FAM193A: variants seen among roughly 807,000 people sequenced by gnomAD.
FAM193A encodes protein FAM193A.
A neutral mutation model predicts 126.5 loss-of-function variants in FAM193A; 22 were observed. The ratio of observed to expected loss-of-function variants is 0.17; its 90% confidence interval spans 0.12 to 0.25. The LOEUF (loss-of-function observed/expected upper bound fraction) is 0.25, where lower values mean the gene tolerates loss of function less well. Among genes scored for constraint, FAM193A ranks in the 10% least tolerant of loss-of-function variants. The pLI is 1.00. For synonymous variants in FAM193A, 761 were observed against 646.8 expected (o/e 1.18, Z -2.68); for missense variants, 1,675 against 1,672.8 (o/e 1.00, Z -0.02).
intron 13 of FAM193A, among the ~76,000 whole-genome samples, chr4:2,677,763 G>A (rs1291670099): frequency 6.7e-6 from 1 of 150,164 alleles, no homozygotes; most frequent in Non-Finnish European, 1.5e-5. Context: ...AAAAAAGATT[G>A]TTTGGGTTAT....
At chr4:2,582,508 G>A (rs1233718051) in intron 1 of FAM193A, among the ~76,000 whole-genome samples, 2 of 151,842 alleles carry the variant, frequency 1.3e-5, no homozygotes, top group Non-Finnish European at 2.9e-5. Context: ...AGTCTTAGTT[G>A]CGCATGACTT....
chr4:2,629,964 C>T (rs1303304486), intron 4 of FAM193A, among the ~76,000 whole-genome samples: 1 of 151,978 alleles, frequency 6.6e-6, no homozygotes, highest in South Asian at 2.1e-4. Flanking sequence ...AACCCCGTCT[C>T]TACTAAAAAT....
rs373038865 is a variant in FAM193A at position 2,637,328 on chromosome 4, G to A, written c.1039-2407G>A. 5.1e-4 allele frequency among the ~76,000 whole-genome samples: 77 copies of A among 152,228 alleles called. 2 individuals are homozygous for A. In the South Asian group the frequency reaches 0.014, roughly 27 times the overall value. Reference sequence around the variant, plus strand: ...GGCGACAGAGTGAGACCCTGTCTCAGTCAATTGACCAATCACTCAATATTT... The same window carrying A: ...GGCGACAGAGTGAGACCCTGTCTCAATCAATTGACCAATCACTCAATATTT... On this transcript the variant is annotated intron_variant, in intron 5 of 20. Coordinates refer to ENST00000637812, the MANE Select transcript of FAM193A (RefSeq NM_001366318.2).
At chr4:2,721,840 C>T (rs547530079) in intron 20 of FAM193A, among the ~76,000 whole-genome samples, 9 of 152,336 alleles carry the variant, frequency 5.9e-5, no homozygotes, top group Non-Finnish European at 1.2e-4. Flanking sequence ...GCGGGGCAAA[C>T]GTGAGGCAAG....
chr4:2,726,778 C>CAAAAAAAAA (rs71589604), intron 20 of FAM193A, among the ~76,000 whole-genome samples: 5 of 44,942 alleles, frequency 1.1e-4, no homozygotes, highest in African/African-American at 3.4e-4. Context: ...CTAAAAATAC[C>CAAAAAAAAA]AAAAAAAAAA....
intron 1 of FAM193A, among the ~76,000 whole-genome samples, chr4:2,578,299 C>T (rs1197039173): frequency 1.3e-5 from 2 of 151,952 alleles, no homozygotes; most frequent in African/African-American, 4.8e-5. Flanking sequence ...ATTTTTTTTG[C>T]ATTGCCTGCT....
intron 7 of FAM193A, among the ~76,000 whole-genome samples, chr4:2,647,582 G>A (rs1745276601): frequency 6.6e-6 from 1 of 152,180 alleles, no homozygotes; most frequent in South Asian, 2.1e-4. Flanking sequence ...GTGGAAGACA[G>A]AAGAGGGAGG....
chr4:2,673,580 A>G (rs1714066140), intron 13 of FAM193A, among the ~76,000 whole-genome samples: 2 of 152,180 alleles, frequency 1.3e-5, no homozygotes, highest in South Asian at 4.1e-4. Context: ...TAATAATAGA[A>G]TGCTTTTTAA....
At chr4:2,653,116 C>G (rs188948319) in intron 7 of FAM193A, among the ~76,000 whole-genome samples, 18 of 152,220 alleles carry the variant, frequency 1.2e-4, no homozygotes, top group African/African-American at 4.1e-4. Flanking sequence ...TTCAGAGATT[C>G]ATTTCTCCAA....
chr4:2,565,974 A>G (rs1473077571), intron 1 of FAM193A, among the ~76,000 whole-genome samples: 1 of 152,220 alleles, frequency 6.6e-6, no homozygotes, highest in Non-Finnish European at 1.5e-5. Context: ...TAGCAAATCC[A>G]GTATTTTTGA....
At chr4:2,635,453 C>G (rs980206547) in intron 5 of FAM193A, among the ~76,000 whole-genome samples, 7 of 152,142 alleles carry the variant, frequency 4.6e-5, no homozygotes, top group Middle Eastern at 3.2e-3. Flanking sequence ...CATTAGATTA[C>G]ATAAATTGCA....
chr4:2,655,186 G>A, intron 7 of FAM193A: 1 of 626,612 alleles, frequency 1.6e-6, no homozygotes, highest in Non-Finnish European at 2.9e-6. Context: ...ATACTTTCTA[G>A]CAAATTAAAG....
At chr4:2,677,440 T>C (rs560980998) in intron 13 of FAM193A, among the ~76,000 whole-genome samples, 1 of 152,028 alleles carries the variant, frequency 6.6e-6, no homozygotes, top group African/African-American at 2.4e-5. Flanking sequence ...TTGTTTTTTT[T>C]GTAGAGATTG....
intron 2 of FAM193A, among the ~76,000 whole-genome samples, chr4:2,598,139 C>T (rs979505767): frequency 2.0e-5 from 3 of 152,222 alleles, no homozygotes; most frequent in African/African-American, 4.8e-5. Flanking sequence ...GTGATCCGCC[C>T]GCCTCTGCCT....
intron 14 of FAM193A, among the ~76,000 whole-genome samples, chr4:2,690,265 T>C (rs562986250): frequency 2.8e-4 from 42 of 152,310 alleles, no homozygotes; most frequent in African/African-American, 8.4e-4. Context: ...TCCTCATCTC[T>C]GTCTTCCTGC....
At chr4:2,619,647 G>T (rs1019734746) in intron 2 of FAM193A, among the ~76,000 whole-genome samples, 1 of 151,750 alleles carries the variant, frequency 6.6e-6, no homozygotes, top group Non-Finnish European at 1.5e-5. Flanking sequence ...GGGATAATAG[G>T]CGTGAGCCAC....
intron 1 of FAM193A, among the ~76,000 whole-genome samples, chr4:2,592,871 C>T (rs531536294): frequency 1.4e-4 from 22 of 152,270 alleles, no homozygotes; most frequent in Non-Finnish European, 1.9e-4. Flanking sequence ...AAGTGAGGAG[C>T]GGGACAAACC....
intron 1 of FAM193A, among the ~76,000 whole-genome samples, chr4:2,590,517 CA>C (rs1185515940): frequency 1.9e-5 from 1 of 52,256 alleles, no homozygotes; most frequent in African/African-American, 9.8e-5. Flanking sequence ...AAAAAAAAAA[CA>C]AAACAAAATT....
intron 1 of FAM193A, among the ~76,000 whole-genome samples, chr4:2,581,942 C>T (rs555178272): frequency 6.6e-6 from 1 of 152,124 alleles, no homozygotes; most frequent in African/African-American, 2.4e-5. Flanking sequence ...CGTGAGCCAC[C>T]GCACCTGGCT....
Sources: gnomAD v4.1 joint callset for allele counts (sites outside exome capture counted in the v4.1 genomes callset) on GRCh38, gnomAD v4.1.1 for gene constraint, MANE v1.5 for transcripts, NCBI Gene and HGNC (gene_info 2026-07-23, HGNC 2026-07-21) for gene names.